The following ARHGAP15 variants were observed in gnomAD, a reference collection of about 807,000 sequenced individuals.
ARHGAP15 encodes the protein Rho GTPase activating protein 15.
Under a neutral mutation model 63.7 loss-of-function variants are expected in ARHGAP15, and 51 were observed. The ratio of observed to expected loss-of-function variants is 0.80; its 90% CI spans 0.64 to 1.01. The LOEUF (loss-of-function observed/expected upper bound fraction) is 1.01. ARHGAP15 is among the 50% of genes least tolerant of loss of function. The pLI is 0.00. For synonymous variants in ARHGAP15, 191 were observed against 193.8 expected, an observed-to-expected ratio of 0.99 and a Z score of 0.12; for missense variants, 560 against 564.6, an observed-to-expected ratio of 0.99 and a Z score of 0.08.
chr2:143,304,295 T>C (rs1422687583), intron 6 of ARHGAP15, among the ~76,000 whole-genome samples: 2 of 152,256 alleles, frequency 1.3e-5, no homozygotes, highest in Non-Finnish European at 1.5e-5. Flanking sequence ...TGAGTTCATG[T>C]CCTCTGTAGG....
intron 6 of ARHGAP15, among the ~76,000 whole-genome samples, chr2:143,341,501 T>C (rs557092402): frequency 6.6e-6 from 1 of 152,220 alleles, no homozygotes; most frequent in East Asian, 1.9e-4. Flanking sequence ...TAATATACAA[T>C]CTGTTTGTCC....
chr2:143,431,205 G>A (rs988470802), intron 6 of ARHGAP15, among the ~76,000 whole-genome samples: 5 of 151,890 alleles, frequency 3.3e-5, no homozygotes, highest in Admixed American at 1.3e-4. Flanking sequence ...AATTATCACG[G>A]CCCTTTTCCT....
intron 6 of ARHGAP15, among the ~76,000 whole-genome samples, chr2:143,406,933 G>A (rs1558950009): frequency 6.6e-6 from 1 of 151,824 alleles, no homozygotes; most frequent in Non-Finnish European, 1.5e-5. Context: ...AGTTGTACAG[G>A]AGAACATCAA....
At chr2:143,664,874 T>C (rs1414682683) in intron 12 of ARHGAP15, among the ~76,000 whole-genome samples, 3 of 152,022 alleles carry the variant, frequency 2.0e-5, no homozygotes, top group Non-Finnish European at 4.4e-5. Context: ...CAGGAAGAAG[T>C]TGAATCTCTG....
Position 143,534,911 on chromosome 2 carries a change from C to A in ARHGAP15, c.925+15547C>A, listed in dbSNP as rs1401891094. On this transcript the variant is annotated intron_variant, in intron 10 of 13. Transcript: ENST00000295095. The stretch of plus-strand genomic sequence containing the variant: ...AAAAATAAAAAACAAAACAAAAAAA[C>A]CTATATGAATTTAGGAACCTCAGTT... Among the ~76,000 whole-genome samples the A allele has an allele frequency of 4.6e-5, 7 of 151,698 alleles. No homozygotes were observed. In the South Asian group the frequency reaches 1.5e-3, roughly 32 times the overall value.
intron 11 of ARHGAP15, among the ~76,000 whole-genome samples, chr2:143,559,668 A>G (rs1013594316): frequency 2.0e-5 from 3 of 152,148 alleles, no homozygotes; most frequent in Non-Finnish European, 2.9e-5. Context: ...CTTCCCCTCC[A>G]TCTGGACCAG....
intron 6 of ARHGAP15, among the ~76,000 whole-genome samples, chr2:143,398,809 T>G (rs932427966): frequency 1.3e-5 from 2 of 150,904 alleles, no homozygotes; most frequent in Admixed American, 6.6e-5. Flanking sequence ...TGGCATCTAA[T>G]TACGGAGGAT....
At chr2:143,575,014 T>C (rs150915426) in intron 11 of ARHGAP15, among the ~76,000 whole-genome samples, 424 of 152,268 alleles carry the variant, frequency 2.8e-3, no homozygotes, top group African/African-American at 9.7e-3. Context: ...ATACACATAT[T>C]GAGTTTCACA....
At chr2:143,766,912 C>T (rs1227623667) in intron 13 of ARHGAP15, 1 of 152,144 alleles carries the variant, frequency 6.6e-6, no homozygotes, top group Non-Finnish European at 1.5e-5. Flanking sequence ...TATGTAGGCC[C>T]ACTTAGGCCA....
chr2:143,454,299 TA>T (rs755472550), intron 8 of ARHGAP15, among the ~76,000 whole-genome samples: 2 of 152,134 alleles, frequency 1.3e-5, no homozygotes, highest in Non-Finnish European at 2.9e-5. Flanking sequence ...TATTGTAAGT[TA>T]GGGGTGAATC....
chr2:143,464,275 G>T (rs1691097525), intron 8 of ARHGAP15, among the ~76,000 whole-genome samples: 1 of 152,056 alleles, frequency 6.6e-6, no homozygotes, highest in Non-Finnish European at 1.5e-5. Flanking sequence ...GAGAATCAAG[G>T]TCAATAATTC....
chr2:143,748,397 G>GA (rs1334131981), intron 13 of ARHGAP15, among the ~76,000 whole-genome samples: 1 of 152,056 alleles, frequency 6.6e-6, no homozygotes, highest in African/African-American at 2.4e-5. Flanking sequence ...TCTAATATAG[G>GA]GGGAAAGAAA....
chr2:143,327,151 T>A (rs1005416387), intron 6 of ARHGAP15, among the ~76,000 whole-genome samples: 2 of 152,130 alleles, frequency 1.3e-5, no homozygotes, highest in Non-Finnish European at 2.9e-5. Context: ...TGAACTCCCA[T>A]TCACAATTGC....
chr2:143,506,536 A>G (rs570671606), intron 9 of ARHGAP15, among the ~76,000 whole-genome samples: 1 of 152,180 alleles, frequency 6.6e-6, no homozygotes, highest in Non-Finnish European at 1.5e-5. Flanking sequence ...ACATACAAAT[A>G]TGGGAGAAGG....
chr2:143,140,928 G>A (rs955692391), intron 1 of ARHGAP15, among the ~76,000 whole-genome samples: 1 of 152,134 alleles, frequency 6.6e-6, no homozygotes, highest in Non-Finnish European at 1.5e-5. Flanking sequence ...TGAGCTTTAG[G>A]TTTGAAGTCT....
chr2:143,196,321 T>G (rs990314079), intron 2 of ARHGAP15, among the ~76,000 whole-genome samples: 1 of 152,022 alleles, frequency 6.6e-6, no homozygotes, highest in African/African-American at 2.4e-5. Context: ...GTTTTTTCAA[T>G]GGTAGTTACA....
At chr2:143,634,746 C>T (rs920722283) in intron 12 of ARHGAP15, among the ~76,000 whole-genome samples, 3 of 152,138 alleles carry the variant, frequency 2.0e-5, no homozygotes, top group African/African-American at 7.2e-5. Context: ...TCTCTTGCTT[C>T]GTGACCCAGG....
intron 10 of ARHGAP15, among the ~76,000 whole-genome samples, chr2:143,552,039 T>C (rs1181736207): frequency 6.6e-6 from 1 of 152,146 alleles, no homozygotes; most frequent in Non-Finnish European, 1.5e-5. Context: ...AGTGTTCCCG[T>C]GCTCAAAGAT....
At chr2:143,310,748 A>G (rs1683409190) in intron 6 of ARHGAP15, among the ~76,000 whole-genome samples, 1 of 152,022 alleles carries the variant, frequency 6.6e-6, no homozygotes, top group Admixed American at 6.6e-5. Context: ...TTTTATTTGC[A>G]AACCAAAAAT....
Sources: gnomAD v4.1 joint callset for allele counts (sites outside exome capture counted in the v4.1 genomes callset) on GRCh38, gnomAD v4.1.1 for gene constraint, MANE v1.5 for transcripts, NCBI Gene and HGNC (gene_info 2026-07-23, HGNC 2026-07-21) for gene names.